PDZD2: variants seen among roughly 807,000 people sequenced by gnomAD.
The protein encoded by PDZD2 is PDZ domain containing 2.
In PDZD2, 90 loss-of-function variants were observed where a neutral mutation model predicts 220.7. That is an observed-to-expected ratio of 0.41 (90% CI 0.34 to 0.49). PDZD2 has a LOEUF of 0.49. Among genes scored for constraint, PDZD2 ranks in the 20% least tolerant of loss-of-function variants. The pLI, the probability that PDZD2 is intolerant of heterozygous loss-of-function variation, is 0.28. For missense variants in PDZD2, 3,174 were observed against 3,608.5 expected, an observed-to-expected ratio of 0.88 and a Z score of 3.08; for synonymous variants, 1,375 against 1,450.5, an observed-to-expected ratio of 0.95 and a Z score of 1.18.
intron 2 of PDZD2, among the ~76,000 whole-genome samples, chr5:31,866,625 G>A (rs1738256599): frequency 6.6e-6 from 1 of 152,192 alleles, no homozygotes; most frequent in Admixed American, 6.5e-5. Flanking sequence ...ACAGAAAGCT[G>A]CTGACCCTGC....
At chr5:31,811,020 C>T (rs1755080523) in intron 2 of PDZD2, among the ~76,000 whole-genome samples, 1 of 152,142 alleles carries the variant, frequency 6.6e-6, no homozygotes, top group Non-Finnish European at 1.5e-5. Flanking sequence ...CTCGCTGTCG[C>T]CTAGGCTGGA....
intron 19 of PDZD2, among the ~76,000 whole-genome samples, chr5:32,078,367 C>T (rs1741529275): frequency 6.6e-6 from 1 of 152,132 alleles, no homozygotes; most frequent in African/African-American, 2.4e-5. Flanking sequence ...TGCAGTGGCT[C>T]ATGCCTGTAA....
rs1333423415 is a variant in PDZD2 at position 31,927,227 on chromosome 5, T to C, written c.477-55928T>C. 2.0e-5 allele frequency among the ~76,000 whole-genome samples: 3 copies of C among 152,150 alleles called. No homozygotes were observed. In the East Asian group the frequency reaches 5.8e-4, roughly 29 times the overall value. ...GGATCTAAAACAAAAGTAGAAATTT[T>C]AAAAAATTAAATGTAAAATAATAAA... is the stretch of plus-strand genomic sequence containing the variant. On this transcript the variant is annotated intron_variant, in intron 2 of 24. Transcript: ENST00000438447.
intron 2 of PDZD2, among the ~76,000 whole-genome samples, chr5:31,957,093 A>T (rs1480741697): frequency 6.6e-6 from 1 of 152,152 alleles, no homozygotes. Context: ...CTGATTCTCT[A>T]TGTTCTCAAG....
chr5:32,018,866 G>A (rs1023599738), intron 6 of PDZD2, among the ~76,000 whole-genome samples: 2 of 152,230 alleles, frequency 1.3e-5, no homozygotes, highest in Non-Finnish European at 2.9e-5. Context: ...ATGATTGCTG[G>A]TCTGAGAAAA....
chr5:31,879,461 T>C (rs1412703954), intron 2 of PDZD2, among the ~76,000 whole-genome samples: 1 of 152,128 alleles, frequency 6.6e-6, no homozygotes, highest in Non-Finnish European at 1.5e-5. Context: ...CACACTATTT[T>C]TTTTTAGAGA....
intron 6 of PDZD2, among the ~76,000 whole-genome samples, chr5:32,036,445 A>G (rs1299805578): frequency 2.6e-5 from 4 of 152,226 alleles, no homozygotes; most frequent in Non-Finnish European, 5.9e-5. Context: ...ACAATTTTTT[A>G]TAAACACTCT....
intron 7 of PDZD2, among the ~76,000 whole-genome samples, 155 bp downstream of exon 7, chr5:32,037,497 G>A (rs1755651778): frequency 6.6e-6 from 1 of 152,124 alleles, no homozygotes; most frequent in African/African-American, 2.4e-5. Flanking sequence ...CATAACAACT[G>A]CATTTAGCCT....
chr5:31,692,498 G>A (rs544574773), intron 1 of PDZD2, among the ~76,000 whole-genome samples: 1 of 152,386 alleles, frequency 6.6e-6, no homozygotes, highest in South Asian at 2.1e-4. Flanking sequence ...AGCGAGGGCT[G>A]TGAGGGCTGC....
chr5:31,675,971 G>A (rs575890821), intron 1 of PDZD2, among the ~76,000 whole-genome samples: 68 of 152,260 alleles, frequency 4.5e-4, no homozygotes, highest in Non-Finnish European at 8.1e-4. Context: ...CAAAGTGTTG[G>A]GATTACAGGC....
chr5:31,867,756 A>T (rs1453469122), intron 2 of PDZD2, among the ~76,000 whole-genome samples: 2 of 152,132 alleles, frequency 1.3e-5, no homozygotes, highest in Non-Finnish European at 1.5e-5. Context: ...AATCCTAGTT[A>T]CTGAGTGTTC....
At chr5:31,817,084 G>A (rs1239324438) in intron 2 of PDZD2, among the ~76,000 whole-genome samples, 4 of 151,734 alleles carry the variant, frequency 2.6e-5, no homozygotes, top group African/African-American at 7.3e-5. Context: ...TACTCAAGAG[G>A]CTGAGGCAGG....
intron 19 of PDZD2, among the ~76,000 whole-genome samples, chr5:32,086,481 C>T (rs2112457655): frequency 6.6e-6 from 1 of 152,252 alleles, no homozygotes; most frequent in East Asian, 1.9e-4. Context: ...GGAACATCTG[C>T]CATCATAGAA....
intron 1 of PDZD2, among the ~76,000 whole-genome samples, chr5:31,727,001 G>A (rs1749185497): frequency 6.6e-6 from 1 of 152,140 alleles, no homozygotes. Context: ...ACTTCACATG[G>A]CAGGAGCATG....
At chr5:31,727,548 C>G (rs1004942049) in intron 1 of PDZD2, among the ~76,000 whole-genome samples, 1 of 150,734 alleles carries the variant, frequency 6.6e-6, no homozygotes, top group African/African-American at 2.4e-5. Flanking sequence ...AAAATACAAA[C>G]AATTAGCCGG....
intron 1 of PDZD2, among the ~76,000 whole-genome samples, chr5:31,717,627 A>G (rs1267240741): frequency 6.6e-6 from 1 of 151,748 alleles, no homozygotes; most frequent in Non-Finnish European, 1.5e-5. Flanking sequence ...CTCCATCTCC[A>G]CTGACAGTAA....
chr5:31,807,480 C>A (rs1754807970), intron 2 of PDZD2, among the ~76,000 whole-genome samples: 1 of 152,194 alleles, frequency 6.6e-6, no homozygotes, highest in Non-Finnish European at 1.5e-5. Context: ...TGTAACACCC[C>A]ACCCAGTCAG....
chr5:31,917,295 C>T (rs1458209400), intron 2 of PDZD2, among the ~76,000 whole-genome samples: 1 of 152,150 alleles, frequency 6.6e-6, no homozygotes, highest in African/African-American at 2.4e-5. Flanking sequence ...CGTCTATAAT[C>T]CCAGCACTTT....
intron 2 of PDZD2, among the ~76,000 whole-genome samples, chr5:31,925,760 G>GC (rs1744700794): frequency 9.5e-6 from 1 of 105,326 alleles, no homozygotes; most frequent in Non-Finnish European, 2.2e-5. Context: ...TAGCCAACAA[G>GC]CAAAAAAAAA....
Sources: allele counts gnomAD v4.1 joint callset (sites outside exome capture counted in the v4.1 genomes callset), GRCh38; gene constraint gnomAD v4.1.1; transcripts MANE v1.5; gene names NCBI Gene and HGNC (gene_info 2026-07-23, HGNC 2026-07-21).